TAMM41: variants seen among roughly 807,000 people sequenced by gnomAD.
TAMM41 encodes TAM41 mitochondrial translocator assembly and maintenance homolog.
A neutral mutation model predicts 44.1 loss-of-function variants in TAMM41; 36 were observed. The observed-to-expected ratio is 0.82, with a 90% confidence interval of 0.63 to 1.08. The LOEUF is 1.08. Among genes scored for constraint, TAMM41 ranks in the 50% least tolerant of loss-of-function variants. The pLI, the probability that TAMM41 is intolerant of heterozygous loss-of-function variation, is 0.00. For synonymous variants in TAMM41, 164 were observed against 153.1 expected (o/e 1.07, Z -0.53); for missense variants, 417 against 404.3 (o/e 1.03, Z -0.27).
chr3:11,817,072 G>A (rs1405280854), intron 5 of TAMM41, 120 bp downstream of exon 5: 1 of 1,065,548 alleles, frequency 9.4e-7, no homozygotes, highest in Non-Finnish European at 1.3e-6. Context: ...TTTACATACA[G>A]TACTTACTTT....
chr3:11,826,258 G>A (rs927456496), intron 4 of TAMM41, among the ~76,000 whole-genome samples: 11 of 152,288 alleles, frequency 7.2e-5, no homozygotes, highest in Admixed American at 3.3e-4. Context: ...AGGCAGCCAG[G>A]CGCAGTGGCC....
the TAMM41 span, among the ~76,000 whole-genome samples, chr3:11,725,452 C>CT: frequency 0.029 from 4,221 of 147,516 alleles, 229 homozygotes; most frequent in African/African-American, 0.1. Flanking sequence ...CCTCCTCCTC[C>CT]TCCTTCTTCT....
chr3:11,767,283 G>A, the TAMM41 span, among the ~76,000 whole-genome samples: 1 of 152,060 alleles, frequency 6.6e-6, no homozygotes. Context: ...TGGCCAGGCT[G>A]GTCTCGAACT....
chr3:11,756,004 T>C, the TAMM41 span, among the ~76,000 whole-genome samples: 1 of 152,104 alleles, frequency 6.6e-6, no homozygotes, highest in East Asian at 1.9e-4. Flanking sequence ...TCCTCTACAC[T>C]CCCTGGATTA....
At chr3:11,787,895 C>T (rs562285915), downstream of TAMM41, among the ~76,000 whole-genome samples, 15 of 152,212 alleles carry the variant, frequency 9.9e-5, no homozygotes, top group Non-Finnish European at 1.9e-4. Context: ...CCACTTCCCT[C>T]AGAGAAAGTC....
the TAMM41 span, among the ~76,000 whole-genome samples, chr3:11,774,100 A>C: frequency 5.0e-4 from 76 of 152,254 alleles, no homozygotes; most frequent in South Asian, 0.012. Flanking sequence ...AAAAACCAAA[A>C]CAAAACAAAC....
At chr3:11,747,873 A>ATTTTTTTTTTTTTTTTTTTT in the TAMM41 span, among the ~76,000 whole-genome samples, 1 of 38,104 alleles carries the variant, frequency 2.6e-5, no homozygotes. Context: ...TTTACTATTT[A>ATTTTTTTTTTTTTTTTTTTT]TTTATTTATT....
chr3:11,843,237 AC>A (rs2125068736), intron 2 of TAMM41, among the ~76,000 whole-genome samples: 1 of 152,186 alleles, frequency 6.6e-6, no homozygotes, highest in Admixed American at 6.5e-5. Flanking sequence ...TATTCCTCCC[AC>A]TGACCAGACC....
chr3:11,837,824 TC>T (rs1262972674), intron 3 of TAMM41, among the ~76,000 whole-genome samples: 1 of 151,960 alleles, frequency 6.6e-6, no homozygotes, highest in East Asian at 1.9e-4. Flanking sequence ...CTGCCACCCT[TC>T]CCCCAAATGG....
chr3:11,808,140 G>T, intron 6 of TAMM41: 1 of 973,946 alleles, frequency 1.0e-6, no homozygotes, highest in Non-Finnish European at 1.4e-6. Flanking sequence ...ACAGCTCTGT[G>T]CCTCTTCCCC....
At chr3:11,790,364 C>T, downstream of TAMM41, 1 of 774,404 alleles carries the variant, frequency 1.3e-6, no homozygotes, top group South Asian at 1.5e-5. Flanking sequence ...ATGTCTGATG[C>T]ATACATTTAA....
the TAMM41 span, among the ~76,000 whole-genome samples, chr3:11,739,515 A>G: frequency 6.6e-6 from 1 of 152,014 alleles, no homozygotes; most frequent in Admixed American, 6.6e-5. Context: ...AGGATAGAAG[A>G]TGCGTTAAGG....
chr3:11,816,589 C>T (rs2078285787), intron 5 of TAMM41, among the ~76,000 whole-genome samples: 1 of 152,024 alleles, frequency 6.6e-6, no homozygotes. Flanking sequence ...CATGGCAAAA[C>T]CCTGTCTCTA....
At chr3:11,836,604 C>T (rs1245651008) in intron 3 of TAMM41, among the ~76,000 whole-genome samples, 1 of 152,210 alleles carries the variant, frequency 6.6e-6, no homozygotes, top group Non-Finnish European at 1.5e-5. Context: ...GCTGGGATTA[C>T]TGGCGTGTGC....
chr3:11,786,313 A>ATTTTTT (rs1284094205), downstream of TAMM41, among the ~76,000 whole-genome samples: 2 of 125,836 alleles, frequency 1.6e-5, no homozygotes. Flanking sequence ...TATTATTATT[A>ATTTTTT]TTATTTTTTG....
the TAMM41 span, among the ~76,000 whole-genome samples, chr3:11,782,923 T>C: frequency 6.6e-6 from 1 of 152,120 alleles, no homozygotes; most frequent in African/African-American, 2.4e-5. Flanking sequence ...TGAGGGTGTT[T>C]TGGAGGGACA....
Position 11,807,368 on chromosome 3 carries a change from G to T in TAMM41, c.937+465C>A, listed in dbSNP as rs1235282796. 5 of 1,495,716 alleles carry T rather than the reference G, an allele frequency of 3.3e-6. No individual in the cohort carries two copies. In the African/African-American group the frequency reaches 7.0e-5, roughly 21 times the overall value. The allele number at this position is 1,495,716 out of a possible 1,614,324, so 92.7% of individuals were successfully genotyped here. ...AACCTCCCATAGAGAGAAGTCAATA[G>T]ATGATACCTAAAGTTGAAACGTAGA... On this transcript the variant is annotated intron_variant, in intron 7 of 7. Coordinates refer to ENST00000455809, the MANE Select transcript of TAMM41 (RefSeq NM_001284401.2).
rs757024775 is a variant in TAMM41, at chr3:11,839,321, G to GA, written c.319-8dup. Reference sequence around the variant, plus strand: ...TAACTCCATATTTGATAAGCTGAAGGAAAAAAGAAATGGCACAAAACGGAG... The same window carrying GA: ...TAACTCCATATTTGATAAGCTGAAGGAAAAAAAGAAATGGCACAAAACGGAG... On this transcript the variant is annotated splice_polypyrimidine_tract_variant and splice_region_variant and intron_variant, in intron 2 of 7. Transcript: ENST00000455809. 2 of 1,583,684 alleles carry GA rather than the reference G, an allele frequency of 1.3e-6. No homozygotes were observed. Among genetic ancestry groups the GA allele is most frequent in the Non-Finnish European group, 1.7e-6 (2 of 1,155,878 alleles).
chr3:11,782,814 T>C, the TAMM41 span, among the ~76,000 whole-genome samples: 597 of 152,276 alleles, frequency 3.9e-3, 9 homozygotes, highest in African/African-American at 0.014. Flanking sequence ...TCAAGCTCAG[T>C]GATTTTTTGG....
Sources: gnomAD v4.1 joint callset for allele counts (sites outside exome capture counted in the v4.1 genomes callset) on GRCh38, gnomAD v4.1.1 for gene constraint, MANE v1.5 for transcripts, NCBI Gene and HGNC (gene_info 2026-07-23, HGNC 2026-07-21) for gene names.